Variants in PDE4D observed in about 807,000 individuals in gnomAD.
PDE4D encodes phosphodiesterase 4D.
A neutral mutation model predicts 87.4 loss-of-function variants in PDE4D; 24 were observed. The observed-to-expected ratio is 0.27, with a 90% CI of 0.20 to 0.39. PDE4D has a LOEUF of 0.39. Ranked by LOEUF, PDE4D falls within the 10% of genes least tolerant of loss-of-function variation. The pLI is 1.00. For synonymous variants in PDE4D, 384 were observed against 383.2 expected, an observed-to-expected ratio of 1.00 and a Z score of -0.02; for missense variants, 714 against 1,041.0, an observed-to-expected ratio of 0.69 and a Z score of 4.32.
intron 2 of PDE4D, among the ~76,000 whole-genome samples, chr5:60,017,714 G>A (rs1336473461): frequency 1.3e-5 from 2 of 152,160 alleles, no homozygotes; most frequent in Non-Finnish European, 2.9e-5. Context: ...CATTTGGGTT[G>A]ATTCCATGCC....
chr5:59,720,147 T>A (rs1360997861), intron 1 of PDE4D, among the ~76,000 whole-genome samples: 1 of 152,188 alleles, frequency 6.6e-6, no homozygotes, highest in Non-Finnish European at 1.5e-5. Flanking sequence ...GGTAGACTAT[T>A]TACACACTTG....
At chr5:59,068,053 C>G (rs1764197371) in intron 5 of PDE4D, among the ~76,000 whole-genome samples, 2 of 151,846 alleles carry the variant, frequency 1.3e-5, no homozygotes, top group Admixed American at 1.3e-4. Flanking sequence ...AAAACATGAA[C>G]CACATTGACT....
At chr5:60,195,510 A>G (rs1418829487) in intron 1 of PDE4D, among the ~76,000 whole-genome samples, 3 of 151,790 alleles carry the variant, frequency 2.0e-5, no homozygotes, top group Non-Finnish European at 4.4e-5. Flanking sequence ...TTATGTCCAT[A>G]TAAAACCATC....
intron 5 of PDE4D, among the ~76,000 whole-genome samples, chr5:59,169,058 ATT>A (rs1283339991): frequency 6.6e-6 from 1 of 151,498 alleles, no homozygotes; most frequent in African/African-American, 2.4e-5. Flanking sequence ...TTTTTAAAGC[ATT>A]TTTTGAGAGA....
intron 2 of PDE4D, among the ~76,000 whole-genome samples, chr5:60,095,165 C>T (rs891635933): frequency 2.0e-5 from 3 of 152,142 alleles, no homozygotes; most frequent in African/African-American, 4.8e-5. Context: ...ACATCACCTA[C>T]GTTAGGTATT....
At chr5:59,058,065 T>A (rs1762606075) in intron 5 of PDE4D, among the ~76,000 whole-genome samples, 1 of 152,342 alleles carries the variant, frequency 6.6e-6, no homozygotes, top group Non-Finnish European at 1.5e-5. Context: ...GGAACCATAA[T>A]GAATTCATTT....
intron 1 of PDE4D, among the ~76,000 whole-genome samples, chr5:59,691,826 ACTTTC>A (rs1390324951): frequency 9.2e-5 from 14 of 152,126 alleles, no homozygotes; most frequent in African/African-American, 3.4e-4. Flanking sequence ...TGTATGTAAT[ACTTTC>A]CTTTCATTCA....
chr5:60,439,071 C>T (rs1355541346), intron 1 of PDE4D, among the ~76,000 whole-genome samples: 1 of 152,054 alleles, frequency 6.6e-6, no homozygotes, highest in African/African-American at 2.4e-5. Context: ...ATAAGTAGAA[C>T]ACCGTGTGGC....
At chr5:60,229,897 T>C (rs1040057290) in intron 1 of PDE4D, among the ~76,000 whole-genome samples, 1 of 152,126 alleles carries the variant, frequency 6.6e-6, no homozygotes, top group Non-Finnish European at 1.5e-5. Flanking sequence ...TTCAGCCCAA[T>C]CAGTTTGGAT....
intron 2 of PDE4D, among the ~76,000 whole-genome samples, chr5:60,003,778 T>C (rs1328365295): frequency 1.3e-5 from 2 of 148,666 alleles, no homozygotes; most frequent in Non-Finnish European, 3.0e-5. Flanking sequence ...AATTCCAAAC[T>C]ATATTACAAA....
At chr5:60,006,309 AT>A (rs139787035) in intron 2 of PDE4D, among the ~76,000 whole-genome samples, 24,711 of 151,862 alleles carry the variant, frequency 0.16, 2,637 homozygotes, top group African/African-American at 0.3. Context: ...GCGCCAACCA[AT>A]TACTATTCTC....
At chr5:60,251,521 C>T (rs1305557649) in intron 1 of PDE4D, among the ~76,000 whole-genome samples, 1 of 151,924 alleles carries the variant, frequency 6.6e-6, no homozygotes, top group Admixed American at 6.6e-5. Flanking sequence ...CATCTATATT[C>T]CCGCAAAGGA....
At chr5:60,405,750 A>G (rs1200615472) in intron 1 of PDE4D, among the ~76,000 whole-genome samples, 1 of 152,260 alleles carries the variant, frequency 6.6e-6, no homozygotes, top group African/African-American at 2.4e-5. Flanking sequence ...CAAGGTTATT[A>G]TAATATGTTA....
intron 1 of PDE4D, among the ~76,000 whole-genome samples, chr5:59,622,101 T>C (rs1035675325): frequency 3.9e-5 from 6 of 152,178 alleles, no homozygotes; most frequent in African/African-American, 1.4e-4. Context: ...AGTGGCTCAC[T>C]GGACCCCAAG....
At chr5:59,902,087 G>A (rs1752334833) in intron 3 of PDE4D, among the ~76,000 whole-genome samples, 1 of 151,956 alleles carries the variant, frequency 6.6e-6, no homozygotes, top group South Asian at 2.1e-4. Context: ...ACATCAGGAA[G>A]CCATGAACAA....
intron 3 of PDE4D, among the ~76,000 whole-genome samples, chr5:59,919,990 A>G (rs973290855): frequency 6.6e-6 from 1 of 152,220 alleles, no homozygotes; most frequent in African/African-American, 2.4e-5. Context: ...ATAACAAAAG[A>G]TATAAGTATG....
At chr5:59,956,500 G>C (rs1350752408) in intron 3 of PDE4D, among the ~76,000 whole-genome samples, 5 of 152,134 alleles carry the variant, frequency 3.3e-5, no homozygotes, top group Non-Finnish European at 1.5e-5. Flanking sequence ...AATAGTATGG[G>C]CTTTACACAG....
intron 1 of PDE4D, among the ~76,000 whole-genome samples, chr5:59,799,546 T>TG (rs1192617924): frequency 1.3e-5 from 2 of 152,056 alleles, no homozygotes; most frequent in Non-Finnish European, 2.9e-5. Context: ...TCAGCAGTCA[T>TG]GGGGGGGCAG....
chr5:59,893,276 A>T lies in PDE4D; in HGVS notation c.347T>A (p.Leu116Gln). 6.5e-7 allele frequency: 1 copy of T among 1,548,846 alleles called. No homozygotes were observed. Among genetic ancestry groups the T allele is most frequent in the Non-Finnish European group, 8.7e-7 (1 of 1,146,042 alleles). The change falls in exon 1 of 15, where the codon CTG (leucine) becomes CAG (glutamine). Residue 116 changes from leucine to glutamine, a missense_variant. Transcript: ENST00000340635. ...GGTGCGGTCCATGGCGCGACAGTAC[A>T]GGTAGCGCTCGGTGTCCGAGTAGCC... is the stretch of plus-strand genomic sequence containing the variant. ...HRGYSDTERY[L>Q]YCRAMDRTSY...
Sources: gnomAD v4.1 joint callset for allele counts (sites outside exome capture counted in the v4.1 genomes callset) on GRCh38, gnomAD v4.1.1 for gene constraint, MANE v1.5 for transcripts, NCBI Gene and HGNC (gene_info 2026-07-23, HGNC 2026-07-21) for gene names.